The following SBF2 variants were observed in gnomAD, a reference collection of about 807,000 sequenced individuals.
SBF2 encodes the protein myotubularin-related protein 13.
Under a neutral mutation model 225.2 loss-of-function variants are expected in SBF2, and 112 were observed. The ratio of observed to expected loss-of-function variants is 0.50; its 90% CI spans 0.43 to 0.58. SBF2 has a LOEUF of 0.58. Ranked by LOEUF, SBF2 falls within the 20% of genes least tolerant of loss-of-function variation. SBF2 has a pLI of 0.00. For missense variants in SBF2, 1,996 were observed against 2,206.2 expected, an observed-to-expected ratio of 0.90 and a Z score of 1.91; for synonymous variants, 763 against 773.3, an observed-to-expected ratio of 0.99 and a Z score of 0.22.
At chr11:9,824,577 A>AC (rs1486766005) in intron 28 of SBF2, among the ~76,000 whole-genome samples, 1 of 151,668 alleles carries the variant, frequency 6.6e-6, no homozygotes, top group Non-Finnish European at 1.5e-5. Flanking sequence ...AAAAAAAAAA[A>AC]GAAAAAAAGA....
At chr11:10,019,113 T>G (rs1948751511) in intron 6 of SBF2, among the ~76,000 whole-genome samples, 1 of 152,176 alleles carries the variant, frequency 6.6e-6, no homozygotes, top group Non-Finnish European at 1.5e-5. Context: ...GATTTGTTCA[T>G]CTTTATATCC....
chr11:10,118,560 GA>G (rs1953275821), intron 2 of SBF2, among the ~76,000 whole-genome samples: 1 of 151,950 alleles, frequency 6.6e-6, no homozygotes, highest in African/African-American at 2.4e-5. Context: ...TATTTACAAA[GA>G]ATTTAAATTC....
chr11:10,012,063 T>C (rs772917748), intron 6 of SBF2, among the ~76,000 whole-genome samples: 2 of 152,240 alleles, frequency 1.3e-5, no homozygotes, highest in Non-Finnish European at 2.9e-5. Context: ...ATTGGATCAT[T>C]TCTATTGGTC....
At chr11:10,043,687 A>G (rs1486085194) in intron 2 of SBF2, among the ~76,000 whole-genome samples, 2 of 152,142 alleles carry the variant, frequency 1.3e-5, no homozygotes, top group South Asian at 2.1e-4. Flanking sequence ...CGATTCTCCC[A>G]TCTCAGCCTC....
intron 18 of SBF2, 48 bp downstream of exon 18, chr11:9,858,178 G>C (rs753133185): frequency 6.2e-7 from 1 of 1,607,084 alleles, no homozygotes; most frequent in Non-Finnish European, 8.5e-7. Flanking sequence ...TTTCCTTAAA[G>C]CCAGAATCCT....
At chr11:10,076,194 G>A (rs1951096407) in intron 2 of SBF2, among the ~76,000 whole-genome samples, 2 of 152,186 alleles carry the variant, frequency 1.3e-5, no homozygotes, top group South Asian at 4.1e-4. Context: ...CCAGGCCACT[G>A]GGGAGCTCCG....
chr11:9,813,935 C>G (rs1854327790), intron 29 of SBF2, among the ~76,000 whole-genome samples: 1 of 151,736 alleles, frequency 6.6e-6, no homozygotes, highest in African/African-American at 2.4e-5. Flanking sequence ...GAGTGAGACT[C>G]CACCTTAAAA....
chr11:10,106,492 G>C (rs987848647), intron 2 of SBF2, among the ~76,000 whole-genome samples: 1 of 152,054 alleles, frequency 6.6e-6, no homozygotes, highest in Non-Finnish European at 1.5e-5. Context: ...AGCCGGACGT[G>C]GTGGCGTGCA....
chr11:9,973,012 A>G (rs1306116805), intron 13 of SBF2, among the ~76,000 whole-genome samples: 1 of 152,222 alleles, frequency 6.6e-6, no homozygotes, highest in Non-Finnish European at 1.5e-5. Context: ...GATTCGAAAA[A>G]GACTTATGCC....
At chr11:9,935,195 C>A (rs560643026) in intron 16 of SBF2, among the ~76,000 whole-genome samples, 1 of 152,150 alleles carries the variant, frequency 6.6e-6, no homozygotes, top group East Asian at 1.9e-4. Context: ...GAGTGAACTC[C>A]CATTCACAAT....
chr11:10,126,067 C>T (rs1263934222), intron 2 of SBF2, among the ~76,000 whole-genome samples: 2 of 152,144 alleles, frequency 1.3e-5, no homozygotes, highest in African/African-American at 4.8e-5. Context: ...GTCCTTTTCA[C>T]TTCATCCATC....
chr11:9,960,867 G>C (rs1590615313), intron 16 of SBF2: 1 of 152,116 alleles, frequency 6.6e-6, no homozygotes, highest in Admixed American at 6.5e-5. Flanking sequence ...GTTTCACCAT[G>C]CTGGCCAGGC....
intron 2 of SBF2, among the ~76,000 whole-genome samples, chr11:10,154,491 G>C (rs551930868): frequency 6.6e-6 from 1 of 151,934 alleles, no homozygotes; most frequent in African/African-American, 2.4e-5. Flanking sequence ...TTCAGTTCTC[G>C]TATTTGATGT....
At chr11:10,172,830 C>T (rs1956258155) in intron 2 of SBF2, among the ~76,000 whole-genome samples, 1 of 152,086 alleles carries the variant, frequency 6.6e-6, no homozygotes, top group Non-Finnish European at 1.5e-5. Context: ...TCATGCTTGG[C>T]TAATTTTTAT....
intron 13 of SBF2, among the ~76,000 whole-genome samples, chr11:9,985,556 C>A (rs1256418783): frequency 6.6e-6 from 1 of 152,192 alleles, no homozygotes; most frequent in Admixed American, 6.5e-5. Context: ...CTCCTGACTT[C>A]AGGTGATCCT....
At chr11:9,849,532 A>G (rs1217360327) in intron 22 of SBF2, among the ~76,000 whole-genome samples, 1 of 152,208 alleles carries the variant, frequency 6.6e-6, no homozygotes, top group Non-Finnish European at 1.5e-5. Context: ...CAAGTAGAAG[A>G]GAAGTTGTCT....
chr11:10,009,193 T>G (rs1948334029), intron 6 of SBF2, among the ~76,000 whole-genome samples: 1 of 152,198 alleles, frequency 6.6e-6, no homozygotes, highest in South Asian at 2.1e-4. Flanking sequence ...CTGGATATGT[T>G]CCTATTGTCA....
chr11:9,854,797 C>T (rs1857198182), intron 19 of SBF2, among the ~76,000 whole-genome samples: 1 of 152,084 alleles, frequency 6.6e-6, no homozygotes, highest in Non-Finnish European at 1.5e-5. Flanking sequence ...CACTATGTTG[C>T]CCAGGCTGGT....
At chr11:10,283,867 C>G (rs1213820414) in intron 1 of SBF2, among the ~76,000 whole-genome samples, 2 of 152,092 alleles carry the variant, frequency 1.3e-5, no homozygotes, top group African/African-American at 2.4e-5. Flanking sequence ...GGTTTTCAAG[C>G]TATGTTCTCC....
Sources: allele counts gnomAD v4.1 joint callset (sites outside exome capture counted in the v4.1 genomes callset), GRCh38; gene constraint gnomAD v4.1.1; transcripts MANE v1.5; gene names NCBI Gene and HGNC (gene_info 2026-07-23, HGNC 2026-07-21).